Variants in TTC28 observed in about 807,000 individuals in gnomAD.
The protein encoded by TTC28 is tetratricopeptide repeat domain 28.
A neutral mutation model predicts 198.0 loss-of-function variants in TTC28; 61 were observed. That is an observed-to-expected ratio of 0.31 (90% CI 0.25 to 0.38). The LOEUF is 0.38. Ranked by LOEUF, TTC28 falls within the 10% of genes least tolerant of loss-of-function variation. TTC28 has a pLI of 1.00. For missense variants in TTC28, 2,678 were observed against 3,164.0 expected, an observed-to-expected ratio of 0.85 and a Z score of 3.69; for synonymous variants, 1,171 against 1,297.8, an observed-to-expected ratio of 0.90 and a Z score of 2.10.
At chr22:28,261,248 T>A (rs947236523) in intron 5 of TTC28, among the ~76,000 whole-genome samples, 2 of 152,130 alleles carry the variant, frequency 1.3e-5, no homozygotes, top group African/African-American at 4.8e-5. Context: ...AAGTCTGTCA[T>A]CATAGAACAT....
chr22:28,574,878 A>AT (rs1320782500), intron 2 of TTC28, among the ~76,000 whole-genome samples: 4 of 151,912 alleles, frequency 2.6e-5, no homozygotes, highest in South Asian at 2.1e-4. Context: ...AGATTACTAG[A>AT]TTTTTTTCCC....
chr22:28,290,053 C>T (rs1187061636), intron 5 of TTC28, among the ~76,000 whole-genome samples: 1 of 151,630 alleles, frequency 6.6e-6, no homozygotes, highest in Admixed American at 6.6e-5. Context: ...TTAAAGAAAA[C>T]CTATTGCTTT....
At chr22:28,049,868 A>G (rs1230150388) in intron 12 of TTC28, among the ~76,000 whole-genome samples, 1 of 152,034 alleles carries the variant, frequency 6.6e-6, no homozygotes, top group Non-Finnish European at 1.5e-5. Context: ...GGGGAAAAGC[A>G]TTCTATCAGG....
At chr22:28,598,970 T>G (rs1020534154) in intron 2 of TTC28, among the ~76,000 whole-genome samples, 1 of 152,016 alleles carries the variant, frequency 6.6e-6, no homozygotes, top group Non-Finnish European at 1.5e-5. Flanking sequence ...TCAAAGAAAA[T>G]TACAAGAGCA....
intron 6 of TTC28, among the ~76,000 whole-genome samples, chr22:28,162,721 G>T (rs574077805): frequency 6.6e-6 from 1 of 152,288 alleles, no homozygotes; most frequent in South Asian, 2.1e-4. Flanking sequence ...AGCCGAGGTG[G>T]GAGGATCGCT....
intron 2 of TTC28, among the ~76,000 whole-genome samples, chr22:28,320,786 C>A (rs1293372155): frequency 6.6e-6 from 1 of 152,146 alleles, no homozygotes; most frequent in Non-Finnish European, 1.5e-5. Flanking sequence ...GCATTTGGAC[C>A]TCTGATTCTG....
At chr22:28,657,881 T>TA (rs562390826) in intron 1 of TTC28, among the ~76,000 whole-genome samples, 13 of 147,512 alleles carry the variant, frequency 8.8e-5, no homozygotes, top group East Asian at 3.9e-4. Flanking sequence ...ACACTCCATC[T>TA]AAAAAAAAAA....
intron 2 of TTC28, among the ~76,000 whole-genome samples, chr22:28,420,709 C>T (rs2047239391): frequency 6.6e-6 from 1 of 151,968 alleles, no homozygotes. Context: ...AAGTGATTCT[C>T]GTGCCTCTGC....
At position 28,013,012 on chromosome 22, in the gene TTC28, A is replaced by G. The variant is rs574347223; in HGVS notation, c.4218+1236T>C. Among the ~76,000 whole-genome samples the G allele has an allele frequency of 2.1e-5, 3 of 142,438 alleles. No homozygotes were observed. The East Asian group carries it at 5.8e-4, about 28-fold the overall frequency. 93.4% of individuals were successfully genotyped at this position (142,438 alleles called of 152,430 possible). A position where few individuals can be genotyped will look rare whatever the true frequency, so the allele number is the denominator to read the frequency against. On this transcript the variant is annotated intron_variant, in intron 14 of 22. Coordinates refer to ENST00000397906, the MANE Select transcript of TTC28 (RefSeq NM_001145418.2). ...GTGCTTTCCACCACACCCTGTCCCC[A>G]AGCCAGAGAACATCCAGAGGGCACT...
intron 2 of TTC28, among the ~76,000 whole-genome samples, chr22:28,326,171 G>A: frequency 6.6e-6 from 1 of 152,050 alleles, no homozygotes; most frequent in Admixed American, 6.6e-5. Context: ...CAAAACTATT[G>A]ATGCATGTAA....
chr22:28,568,275 A>G (rs2050010910), intron 2 of TTC28, among the ~76,000 whole-genome samples: 1 of 152,222 alleles, frequency 6.6e-6, no homozygotes, highest in Non-Finnish European at 1.5e-5. Flanking sequence ...TTTAAGAAGT[A>G]ACAGCAAAGG....
At chr22:28,171,286 T>C (rs555772349) in intron 5 of TTC28, among the ~76,000 whole-genome samples, 2 of 152,316 alleles carry the variant, frequency 1.3e-5, no homozygotes, top group East Asian at 3.9e-4. Context: ...GGCCTATGGC[T>C]AGAGCCATGT....
chr22:28,077,722 G>T (rs1379759754), intron 12 of TTC28, among the ~76,000 whole-genome samples: 1 of 152,106 alleles, frequency 6.6e-6, no homozygotes, highest in Non-Finnish European at 1.5e-5. Flanking sequence ...TAGAAAATTT[G>T]TAAATATAGA....
chr22:28,020,714 C>T (rs891884077), intron 13 of TTC28, among the ~76,000 whole-genome samples: 1 of 152,214 alleles, frequency 6.6e-6, no homozygotes, highest in South Asian at 2.1e-4. Context: ...CCCATCCACA[C>T]TCAGCTTAAA....
intron 2 of TTC28, among the ~76,000 whole-genome samples, chr22:28,445,596 A>T (rs1298098525): frequency 1.3e-5 from 2 of 151,944 alleles, no homozygotes; most frequent in African/African-American, 4.8e-5. Flanking sequence ...CTATTCCCTT[A>T]CTCAGCACCT....
intron 2 of TTC28, among the ~76,000 whole-genome samples, chr22:28,593,584 C>A (rs2050479778): frequency 6.8e-6 from 1 of 147,902 alleles, no homozygotes; most frequent in Non-Finnish European, 1.5e-5. Flanking sequence ...ATATGTTCAT[C>A]AAATACCCGG....
chr22:28,336,003 G>C (rs1374297310), intron 2 of TTC28, among the ~76,000 whole-genome samples: 2 of 152,140 alleles, frequency 1.3e-5, no homozygotes, highest in Non-Finnish European at 2.9e-5. Context: ...ATTATTTTGA[G>C]ATACGTGCCA....
chr22:28,007,566 C>G (rs1380809564), intron 14 of TTC28: 1 of 152,208 alleles, frequency 6.6e-6, no homozygotes, highest in Non-Finnish European at 1.5e-5. Context: ...AGGGACTGTT[C>G]AAGCTGCAGG....
chr22:28,143,910 A>G (rs1194968214), intron 6 of TTC28, among the ~76,000 whole-genome samples: 1 of 152,238 alleles, frequency 6.6e-6, no homozygotes, highest in African/African-American at 2.4e-5. Context: ...TAAGTCAGGA[A>G]TCTTCAAATT....
Sources: allele counts gnomAD v4.1 joint callset (sites outside exome capture counted in the v4.1 genomes callset), GRCh38; gene constraint gnomAD v4.1.1; transcripts MANE v1.5; gene names NCBI Gene and HGNC (gene_info 2026-07-23, HGNC 2026-07-21).